DOCK8: variants seen among roughly 807,000 people sequenced by gnomAD.
The protein encoded by DOCK8 is dedicator of cytokinesis protein 8.
DOCK8 carries 141 observed loss-of-function variants against 245.6 expected under a neutral mutation model. The observed-to-expected ratio is 0.57, with a 90% CI of 0.50 to 0.66. The LOEUF is 0.66. Among genes scored for constraint, DOCK8 ranks in the 30% least tolerant of loss-of-function variants. The pLI is 0.00. For synonymous variants in DOCK8, 1,168 were observed against 970.2 expected (o/e 1.20, Z -3.79); for missense variants, 2,965 against 2,603.4 (o/e 1.14, Z -3.02).
Position 328,083 on chromosome 9 carries a change from A to G in DOCK8, c.956A>G (p.His319Arg). The G allele has an allele frequency of 6.2e-7, 1 of 1,614,188 alleles. No homozygotes were observed. Among genetic ancestry groups the G allele is most frequent in the Non-Finnish European group, 8.5e-7 (1 of 1,180,004 alleles). ...CAGTTCAAAGGATTTCTGCGAGCTCACACGCCTTCAGTGGCCGCATCAAGT... is the reference window on the plus strand; with the variant it reads ...CAGTTCAAAGGATTTCTGCGAGCTCGCACGCCTTCAGTGGCCGCATCAAGT... ...SDQFKGFLRA[H>R]TPSVAASSQA... The change falls in exon 9 of 48, where the codon CAC becomes CGC. Residue 319 changes from histidine (H) to arginine (R), a missense_variant. By Grantham distance (29) the His-to-Arg change is conservative. Coordinates refer to ENST00000432829, the MANE Select transcript of DOCK8 (RefSeq NM_203447.4).
intron 4 of DOCK8, among the ~76,000 whole-genome samples, chr9:294,996 C>T (rs974585296): frequency 2.0e-5 from 3 of 152,064 alleles, no homozygotes; most frequent in Non-Finnish European, 4.4e-5. Flanking sequence ...CCCGTCTCTA[C>T]TAAAACTACA....
intron 7 of DOCK8, among the ~76,000 whole-genome samples, chr9:319,722 T>C (rs1383124451): frequency 3.3e-5 from 5 of 151,288 alleles, no homozygotes; most frequent in Non-Finnish European, 5.9e-5. Flanking sequence ...TTCAGAAATA[T>C]AGAAACCCTC....
rs7020380 is a variant in DOCK8, at chr9:433,697, T to A, written c.4786-178T>A. 0.7 allele frequency among the ~76,000 whole-genome samples: 106,077 copies of A among 152,158 alleles called. 38,211 individuals carry two copies. The highest frequency in any genetic ancestry group is 0.98 in the East Asian group (5,084 of 5,184). On this transcript the variant is annotated intron_variant, in intron 37 of 47. Coordinates refer to ENST00000432829, the MANE Select transcript of DOCK8 (RefSeq NM_203447.4). Reference sequence around the variant, plus strand: ...CAACACACATCCAGGTCTCATAAACTCCTGGGCTGGCGAAGATGAAAACTA... The same window carrying A: ...CAACACACATCCAGGTCTCATAAACACCTGGGCTGGCGAAGATGAAAACTA...
At chr9:236,027 A>G (rs1257125735) in intron 1 of DOCK8, among the ~76,000 whole-genome samples, 1 of 152,172 alleles carries the variant, frequency 6.6e-6, no homozygotes, top group Non-Finnish European at 1.5e-5. Flanking sequence ...AGCTGTTCCT[A>G]TTCGGCCATC....
chr9:434,120 A>G, intron 38 of DOCK8, 145 bp downstream of exon 38: 1 of 676,352 alleles, frequency 1.5e-6, no homozygotes, highest in African/African-American at 1.8e-5. Flanking sequence ...TTAAACATTC[A>G]GAGTAGGTTA....
At chr9:440,020 T>C (rs945018451) in intron 40 of DOCK8, among the ~76,000 whole-genome samples, 2 of 152,106 alleles carry the variant, frequency 1.3e-5, no homozygotes, top group Non-Finnish European at 2.9e-5. Context: ...CTCTTGTCTA[T>C]TTTCTTTTCT....
At chr9:213,784 C>T (rs1242952259), upstream of DOCK8, 1 of 151,632 alleles carries the variant, frequency 6.6e-6, no homozygotes, top group African/African-American at 2.4e-5. Context: ...GGCTGGAGTG[C>T]AGTGGCAGAT....
At chr9:391,269 C>G (rs1301414006) in intron 24 of DOCK8, among the ~76,000 whole-genome samples, 2 of 152,184 alleles carry the variant, frequency 1.3e-5, no homozygotes, top group African/African-American at 4.8e-5. Flanking sequence ...ATATCTTCCT[C>G]TATTATCCTC....
At chr9:260,060 A>G (rs2129756622) in intron 1 of DOCK8, among the ~76,000 whole-genome samples, 1 of 152,350 alleles carries the variant, frequency 6.6e-6, no homozygotes, top group East Asian at 1.9e-4. Flanking sequence ...TGCTAGGGAC[A>G]TGGGCAAGAA....
intron 1 of DOCK8, among the ~76,000 whole-genome samples, chr9:234,711 C>T (rs1474934419): frequency 6.6e-6 from 1 of 152,196 alleles, no homozygotes; most frequent in South Asian, 2.1e-4. Flanking sequence ...CTTCTGCATT[C>T]ATCACGTAGC....
At chr9:431,511 C>G (rs779290220) in intron 36 of DOCK8, among the ~76,000 whole-genome samples, 5 of 151,822 alleles carry the variant, frequency 3.3e-5, no homozygotes, top group Non-Finnish European at 7.4e-5. Context: ...CAGAAGTCCC[C>G]TGATTTATTT....
chr9:361,124 G>C (rs962446975), intron 14 of DOCK8, among the ~76,000 whole-genome samples: 1 of 152,090 alleles, frequency 6.6e-6, no homozygotes, highest in African/African-American at 2.4e-5. Flanking sequence ...CTGTGATCAC[G>C]CCACAGCACT....
At chr9:235,075 G>T (rs1329266038) in intron 1 of DOCK8, among the ~76,000 whole-genome samples, 1 of 152,042 alleles carries the variant, frequency 6.6e-6, no homozygotes, top group Non-Finnish European at 1.5e-5. Flanking sequence ...ATGGGTTTTT[G>T]GTGTGGATGT....
chr9:430,174 A>C (rs1006076126), intron 36 of DOCK8, among the ~76,000 whole-genome samples: 9 of 152,228 alleles, frequency 5.9e-5, no homozygotes, highest in Admixed American at 6.5e-5. Context: ...CAGGAGTTCA[A>C]GACTAGCCTG....
intron 1 of DOCK8, among the ~76,000 whole-genome samples, chr9:233,072 G>C (rs1482463405): frequency 1.3e-5 from 2 of 152,140 alleles, no homozygotes; most frequent in Non-Finnish European, 2.9e-5. Flanking sequence ...CTTTGAATGT[G>C]TCCCAGAGAT....
rs779471072 is a variant in DOCK8 at position 214,932 on chromosome 9, T to G, written c.-45T>G. On this transcript the variant is annotated 5_prime_UTR_variant, in exon 1 of 48. Transcript: ENST00000432829. ...CTCTGCGGCGCGCCAGGCCCCCGCT[T>G]TCCGCACCCCGCGACCCTAGAAGCC... 1.1e-5 allele frequency: 18 copies of G among 1,604,980 alleles called. No individual in the cohort carries two copies. The highest frequency in any genetic ancestry group is 1.5e-5 in the Non-Finnish European group (18 of 1,177,374).
chr9:257,193 G>A (rs2047798015), intron 1 of DOCK8, among the ~76,000 whole-genome samples: 1 of 152,194 alleles, frequency 6.6e-6, no homozygotes, highest in Non-Finnish European at 1.5e-5. Context: ...AGAAGGGAAT[G>A]GAAGAAGTGA....
intron 14 of DOCK8, among the ~76,000 whole-genome samples, chr9:351,484 C>T (rs1340226175): frequency 6.6e-6 from 1 of 152,226 alleles, no homozygotes; most frequent in Non-Finnish European, 1.5e-5. Flanking sequence ...ATTACAGCTG[C>T]CCATTGGCAA....
chr9:246,731 T>C (rs2047514085), intron 1 of DOCK8, among the ~76,000 whole-genome samples: 1 of 152,212 alleles, frequency 6.6e-6, no homozygotes, highest in Non-Finnish European at 1.5e-5. Context: ...TGTGGTCATG[T>C]AGTTCATAGG....
Sources: allele counts gnomAD v4.1 joint callset (sites outside exome capture counted in the v4.1 genomes callset), GRCh38; gene constraint gnomAD v4.1.1; transcripts MANE v1.5; gene names NCBI Gene and HGNC (gene_info 2026-07-23, HGNC 2026-07-21).